Variants in SERINC3 observed in about 807,000 individuals in gnomAD.
The protein encoded by SERINC3 is serine incorporator 3, also known as tumor differentially expressed protein 1.
SERINC3 carries 22 observed loss-of-function variants against 52.1 expected under a neutral mutation model. The observed-to-expected ratio is 0.42, with a 90% confidence interval of 0.30 to 0.60. The LOEUF (loss-of-function observed/expected upper bound fraction) is 0.60. Among genes scored for constraint, SERINC3 ranks in the 20% least tolerant of loss-of-function variants. The pLI is 0.16. For missense variants in SERINC3, 564 were observed against 584.6 expected, an observed-to-expected ratio of 0.96 and a Z score of 0.36; for synonymous variants, 226 against 212.7, an observed-to-expected ratio of 1.06 and a Z score of -0.54.
intron 1 of SERINC3, among the ~76,000 whole-genome samples, chr20:44,515,749 C>A (rs1195159331): frequency 1.3e-5 from 2 of 151,408 alleles, no homozygotes; most frequent in Non-Finnish European, 2.9e-5. Flanking sequence ...CTCCTGAGTT[C>A]AAGCAATTCT....
rs1309441066 is a variant in SERINC3 at position 44,500,383 on chromosome 20, G to C, written c.1335C>G (p.Val445=). 1 of 1,595,706 alleles carries C rather than the reference G, an allele frequency of 6.3e-7. No individual in the cohort carries two copies. The highest frequency in any genetic ancestry group is 8.5e-7 in the Non-Finnish European group (1 of 1,170,798). Residue 445 remains valine (V), a synonymous_variant, in exon 10 of 10, where the codon GTC becomes GTG. Coordinates refer to ENST00000342374, the MANE Select transcript of SERINC3 (RefSeq NM_006811.4). The part of the protein sequence containing the change: ...SMTSKWPAVW[V]KISSSWVCLL... The stretch of plus-strand genomic sequence containing the variant: ...GGCAGACCCAGCTGGAGCTGATCTT[G>C]ACCCACACAGCTGGCCACTTGCTGG...
chr20:44,517,622 T>C (rs1600819783), intron 1 of SERINC3, among the ~76,000 whole-genome samples: 2 of 149,366 alleles, frequency 1.3e-5, no homozygotes, highest in Middle Eastern at 7.1e-3. Context: ...ATGATACAGA[T>C]TCTCTCTCAC....
chr20:44,514,135 T>G (rs1401258386), intron 1 of SERINC3, 95 bp from the exon 2 acceptor site: 2 of 1,321,488 alleles, frequency 1.5e-6, no homozygotes, highest in Non-Finnish European at 2.0e-6. Flanking sequence ...AAATCAGGCT[T>G]TATAGTTTTA....
intron 4 of SERINC3, 90 bp from the exon 5 acceptor site, chr20:44,510,118 G>A (rs933212156): frequency 1.6e-6 from 2 of 1,255,416 alleles, no homozygotes; most frequent in East Asian, 4.7e-5. Context: ...ATTAAAACAA[G>A]ACAGAGGTGG....
Position 44,505,321 on chromosome 20 carries a change from G to A in SERINC3, c.784-430C>T, listed in dbSNP as rs533340372. Among the ~76,000 whole-genome samples the A allele has an allele frequency of 2.6e-4, 40 of 152,004 alleles. No individual in the cohort carries two copies. In the South Asian group the frequency reaches 8.3e-3, roughly 32 times the overall value. On this transcript the variant is annotated intron_variant, in intron 6 of 9. Transcript: ENST00000342374. ...TATAACTCCATGAATTTTTTTAAACGGTTTTTTTTTCTTTTTTTTCTGAGA... is the reference window on the plus strand; with the variant it reads ...TATAACTCCATGAATTTTTTTAAACAGTTTTTTTTTCTTTTTTTTCTGAGA...
intron 3 of SERINC3, 112 bp downstream of exon 3, chr20:44,512,689 T>G (rs2064355803): frequency 2.5e-6 from 2 of 806,682 alleles, no homozygotes; most frequent in Non-Finnish European, 3.7e-6. Flanking sequence ...GAAATGCATC[T>G]GAGCCACTCA....
intron 1 of SERINC3, chr20:44,519,280 G>A (rs1207928701): frequency 5.5e-6 from 1 of 182,076 alleles, no homozygotes; most frequent in African/African-American, 2.4e-5. Context: ...TAACTTAAGA[G>A]TAAAAGCCGG....
rs1314133122 is a variant in SERINC3, at chr20:44,497,587, T to A, written c.*2709A>T. The stretch of plus-strand genomic sequence containing the variant: ...GGACCTTTAAAGCTCTTAAGCTGAC[T>A]CCGCTACTGTAAAGAAAAGCAGGGT... On this transcript the variant is annotated 3_prime_UTR_variant, in exon 10 of 10. Transcript: ENST00000342374. The A allele has an allele frequency of 6.6e-6, 1 of 152,368 alleles. No homozygotes were observed. Among genetic ancestry groups the A allele is most frequent in the Non-Finnish European group, 1.5e-5 (1 of 68,042 alleles). 9.4% of individuals were successfully genotyped at this position (152,368 alleles called of 1,614,324 possible).
rs2064317031 is a variant in SERINC3 at position 44,506,823 on chromosome 20, A to G, written c.783+4T>C. On this transcript the variant is annotated splice_donor_region_variant and intron_variant, in intron 6 of 9. Transcript: ENST00000342374. ...CAGGAGAAAGAAGTAGTAAACAATC[A>G]TACCTGAATTTTTGGGTGGATCGAT... 3.2e-6 allele frequency: 5 copies of G among 1,563,278 alleles called. No homozygotes were observed. Among genetic ancestry groups the G allele is most frequent in the East Asian group, 4.6e-5 (2 of 43,732 alleles).
downstream of SERINC3, among the ~76,000 whole-genome samples, chr20:44,497,130 A>T (rs1479671317): frequency 6.6e-6 from 1 of 152,218 alleles, no homozygotes; most frequent in Non-Finnish European, 1.5e-5. Flanking sequence ...CCCCAAGGCT[A>T]GGCAAGCCCT....
At position 44,509,899 on chromosome 20, in the gene SERINC3, C is replaced by CA. The variant is rs1233524024; in HGVS notation, c.604dup (p.Trp202LeufsTer43). ...TGAGTAGAGATACCTACCAGCATAC[C>CA]ACAACCTTGGGTTTCCTTCTTCCAT... On this transcript the variant is annotated frameshift_variant, in exon 5 of 10. Coordinates refer to ENST00000342374, the MANE Select transcript of SERINC3 (RefSeq NM_006811.4). LOFTEE classifies it high-confidence loss of function. The CA allele has an allele frequency of 6.2e-7, 1 of 1,613,990 alleles. No homozygotes were observed. The highest frequency in any genetic ancestry group is 1.3e-5 in the African/African-American group (1 of 74,914).
At chr20:44,501,416 G>T in intron 8 of SERINC3, 116 bp from the exon 9 acceptor site, 1 of 777,216 alleles carries the variant, frequency 1.3e-6, no homozygotes. Context: ...GAGACTGAAA[G>T]CTTTCTGAAG....
intron 1 of SERINC3, 93 bp from the exon 2 acceptor site, chr20:44,514,133 C>T (rs1568790170): frequency 1.5e-6 from 2 of 1,346,750 alleles, no homozygotes; most frequent in Non-Finnish European, 9.9e-7. Context: ...GCAAATCAGG[C>T]TTTATAGTTT....
At chr20:44,502,603 A>AC (rs1568784222) in intron 8 of SERINC3, among the ~76,000 whole-genome samples, 1 of 150,448 alleles carries the variant, frequency 6.6e-6, no homozygotes, top group Non-Finnish European at 1.5e-5. Context: ...AAAAAAAAAA[A>AC]ACACAAAAAT....
chr20:44,512,105 G>A (rs943781057), intron 3 of SERINC3, among the ~76,000 whole-genome samples: 8 of 152,166 alleles, frequency 5.3e-5, no homozygotes, highest in Non-Finnish European at 1.2e-4. Context: ...CTGAGGTCAC[G>A]AGTTCTAGAC....
rs1019600569 is a variant in SERINC3 at position 44,513,942 on chromosome 20, G to C, written c.138C>G (p.Leu46=). ...TATAGGATACGACAGTGCTCAGGAG[G>C]AGAATGAAAGCATAAATGAGGCGAG... ...TVTRLIYAFI[L]LLSTVVSYIM... Residue 46 remains leucine (L), a synonymous_variant, in exon 2 of 10, where the codon CTC becomes CTG. Coordinates refer to ENST00000342374, the MANE Select transcript of SERINC3 (RefSeq NM_006811.4). 2 of 1,614,042 alleles carry C rather than the reference G, an allele frequency of 1.2e-6. No individual in the cohort carries two copies. The highest frequency in any genetic ancestry group is 2.2e-5 in the South Asian group (2 of 91,090).
Position 44,511,317 on chromosome 20 carries a change from G to A in SERINC3, c.447C>T (p.Phe149=). The A allele has an allele frequency of 6.2e-7, 1 of 1,613,214 alleles. No individual in the cohort carries two copies. The highest frequency in any genetic ancestry group is 8.5e-7 in the Non-Finnish European group (1 of 1,179,188). ...AGCTGAAATAGCCCCCAGGGATGTA[G>A]AAAGAGCCAACCATGATTCCAATAA... is the stretch of plus-strand genomic sequence containing the variant. ...AALIGIMVGS[F]YIPGGYFSSV... is the part of the protein sequence containing the mutation. The change falls in exon 4 of 10, where the codon TTC becomes TTT. Residue 149 remains phenylalanine (F), a synonymous_variant. Coordinates refer to ENST00000342374, the MANE Select transcript of SERINC3 (RefSeq NM_006811.4).
At chr20:44,510,271 A>G (rs1034590691) in intron 4 of SERINC3, among the ~76,000 whole-genome samples, 5 of 152,226 alleles carry the variant, frequency 3.3e-5, no homozygotes, top group South Asian at 2.1e-4. Flanking sequence ...AAATGATACT[A>G]TAAGTCTTTT....
intron 1 of SERINC3, among the ~76,000 whole-genome samples, chr20:44,519,589 C>G (rs1421589595): frequency 6.6e-6 from 1 of 152,172 alleles, no homozygotes; most frequent in African/African-American, 2.4e-5. Context: ...ATGGAACACT[C>G]TTTTGATTTA....
Sources: allele counts gnomAD v4.1 joint callset (sites outside exome capture counted in the v4.1 genomes callset), GRCh38; gene constraint gnomAD v4.1.1; transcripts MANE v1.5; gene names NCBI Gene and HGNC (gene_info 2026-07-23, HGNC 2026-07-21).